PDE11A: variants seen among roughly 807,000 people sequenced by gnomAD.
The protein encoded by PDE11A is phosphodiesterase 11A.
A neutral mutation model predicts 100.5 loss-of-function variants in PDE11A; 100 were observed. The observed-to-expected ratio is 1.00, with a 90% confidence interval of 0.85 to 1.18. The LOEUF is 1.18. Ranked by LOEUF, PDE11A falls within the 50% of genes most tolerant of loss-of-function variation. PDE11A has a pLI of 0.00. For synonymous variants in PDE11A, 381 were observed against 420.8 expected (o/e 0.91, Z 1.16); for missense variants, 1,141 against 1,152.6 (o/e 0.99, Z 0.15).
chr2:177,814,429 T>C (rs890247261), intron 9 of PDE11A, among the ~76,000 whole-genome samples: 1 of 152,124 alleles, frequency 6.6e-6, no homozygotes, highest in Non-Finnish European at 1.5e-5. Context: ...CATGGATTCC[T>C]AGGCCAGGGA....
intron 19 of PDE11A, among the ~76,000 whole-genome samples, chr2:177,663,273 C>T (rs1204936587): frequency 2.1e-5 from 3 of 143,742 alleles, no homozygotes; most frequent in Admixed American, 1.4e-4. Context: ...TAGCACATCT[C>T]GCTCAGAATT....
At chr2:177,834,643 G>A (rs1484008050) in intron 6 of PDE11A, among the ~76,000 whole-genome samples, 1 of 152,272 alleles carries the variant, frequency 6.6e-6, no homozygotes, top group South Asian at 2.1e-4. Context: ...CCCTGGCCAA[G>A]GGGTCCAGCT....
chr2:177,660,736 C>T (rs1376191380), intron 19 of PDE11A, among the ~76,000 whole-genome samples: 1 of 152,190 alleles, frequency 6.6e-6, no homozygotes, highest in Non-Finnish European at 1.5e-5. Context: ...GATAATCTTC[C>T]CCTTTGCTTG....
Position 177,681,361 on chromosome 2 carries a change from C to G in PDE11A, c.2346-458G>C, listed in dbSNP as rs2080860826. Among the ~76,000 whole-genome samples the G allele has an allele frequency of 2.0e-5, 3 of 152,232 alleles. No individual in the cohort carries two copies. The South Asian group carries it at 6.2e-4, about 32-fold the overall frequency. On this transcript the variant is annotated intron_variant, in intron 15 of 19. Transcript: ENST00000286063. The stretch of plus-strand genomic sequence containing the variant: ...AAATTCAAGATAAATATATTTTTTT[C>G]CAGGTTAGAAAATAACTATTTCACC...
intron 4 of PDE11A, among the ~76,000 whole-genome samples, chr2:177,896,827 AGT>A (rs373407953): frequency 2.6e-4 from 40 of 151,564 alleles, no homozygotes; most frequent in African/African-American, 9.7e-4. Flanking sequence ...GGCCTATTGG[AGT>A]GTGTGTGTGT....
rs529563898 is a variant in PDE11A at position 177,656,350 on chromosome 2, C to A, written c.2646+7516G>T. 7.9e-5 allele frequency among the ~76,000 whole-genome samples: 12 copies of A among 152,298 alleles called. No individual in the cohort carries two copies. The South Asian group carries it at 2.1e-3, about 26-fold the overall frequency. On this transcript the variant is annotated intron_variant, in intron 19 of 19. Transcript: ENST00000286063. ...GCTGTACAGGTTTGTAGCCTGGGAGCAATAGGCTATCCCATATAGCCTAGG... is the reference window on the plus strand; with the variant it reads ...GCTGTACAGGTTTGTAGCCTGGGAGAAATAGGCTATCCCATATAGCCTAGG...
At chr2:178,016,131 A>ATTTTTTTTTTTTTTTTTT (rs55638601) in intron 1 of PDE11A, among the ~76,000 whole-genome samples, 11 of 83,744 alleles carry the variant, frequency 1.3e-4, no homozygotes, top group Admixed American at 1.7e-4. Context: ...TGCCTGGCTA[A>ATTTTTTTTTTTTTTTTTT]TTTTTTTTTT....
At chr2:177,827,546 T>C (rs1574185004) in intron 6 of PDE11A, among the ~76,000 whole-genome samples, 1 of 152,324 alleles carries the variant, frequency 6.6e-6, no homozygotes, top group East Asian at 1.9e-4. Context: ...GAAAATTCTC[T>C]CCATAACTAC....
chr2:177,850,459 C>T (rs1283529711), intron 5 of PDE11A, among the ~76,000 whole-genome samples: 1 of 152,154 alleles, frequency 6.6e-6, no homozygotes, highest in African/African-American at 2.4e-5. Context: ...CAATACCATT[C>T]AGGACAGAGG....
rs2086989419 is a variant in PDE11A, at chr2:178,062,808, T to C, written c.912+8718A>G. Among the ~76,000 whole-genome samples the C allele has an allele frequency of 2.6e-5, 4 of 152,224 alleles. No individual in the cohort carries two copies. The South Asian group carries it at 8.3e-4, about 32-fold the overall frequency. ...TACATGCAACATAAATGCAAAAATG[T>C]AATGCTAGTATTAAAAGTATCATCA... On this transcript the variant is annotated intron_variant, in intron 1 of 19. Transcript: ENST00000286063.
At chr2:177,697,159 AC>A (rs2081124733) in intron 15 of PDE11A, among the ~76,000 whole-genome samples, 172 bp downstream of exon 15, 1 of 152,196 alleles carries the variant, frequency 6.6e-6, no homozygotes, top group Non-Finnish European at 1.5e-5. Flanking sequence ...TGGCTTATAC[AC>A]ACCACTTTAA....
At chr2:177,989,030 G>C (rs1001296292) in intron 2 of PDE11A, among the ~76,000 whole-genome samples, 3 of 152,168 alleles carry the variant, frequency 2.0e-5, no homozygotes, top group African/African-American at 7.2e-5. Flanking sequence ...TGGCAAAATA[G>C]GCTTGCCTGC....
At position 177,624,648 on chromosome 2, in the gene PDE11A, A is replaced by G. The variant is rs2079806600; in HGVS notation, c.*4759T>C. On this transcript the variant is annotated 3_prime_UTR_variant, in exon 20 of 20. Coordinates refer to ENST00000286063, the MANE Select transcript of PDE11A (RefSeq NM_016953.4). ...ACCTGGAAATGCATAGACATCTCAG[A>G]TTTTAGAAACAAAATGCATGTGCAA... The G allele has an allele frequency of 6.6e-6, 1 of 152,264 alleles. No individual in the cohort carries two copies. Among genetic ancestry groups the G allele is most frequent in the African/African-American group, 2.4e-5 (1 of 41,476 alleles). 9.4% of individuals were successfully genotyped at this position (152,264 alleles called of 1,614,324 possible).
At chr2:177,637,579 C>G (rs2080059975) in intron 19 of PDE11A, among the ~76,000 whole-genome samples, 2 of 151,522 alleles carry the variant, frequency 1.3e-5, no homozygotes, top group Non-Finnish European at 2.9e-5. Flanking sequence ...TTTAAAAGTG[C>G]TGGTTTTCAG....
chr2:177,740,344 T>G (rs2081854403), intron 10 of PDE11A, among the ~76,000 whole-genome samples: 1 of 152,236 alleles, frequency 6.6e-6, no homozygotes, highest in Non-Finnish European at 1.5e-5. Context: ...TTAGACAGGT[T>G]GGCTAGTTTT....
intron 17 of PDE11A, among the ~76,000 whole-genome samples, chr2:177,673,068 T>G (rs3770010): frequency 1.3e-5 from 2 of 152,048 alleles, no homozygotes; most frequent in Non-Finnish European, 2.9e-5. Context: ...ATTTGCCACA[T>G]TTCTTTATTC....
rs532464285 is a variant in PDE11A, at chr2:177,786,050, G to A, written c.1738-16677C>T. ...AAGAGAGCAGTGGTTCTCCCAGCAC[G>A]CAGCTGGAGATCTGAGAACGGGCAG... On this transcript the variant is annotated intron_variant, in intron 9 of 19. Transcript: ENST00000286063. Among the ~76,000 whole-genome samples, 16 of 152,290 alleles carry A rather than the reference G, an allele frequency of 1.1e-4. No individual in the cohort carries two copies. In the South Asian group the frequency reaches 1.9e-3, roughly 18 times the overall value.
At chr2:178,032,280 A>T (rs1383977242) in intron 1 of PDE11A, among the ~76,000 whole-genome samples, 2 of 152,196 alleles carry the variant, frequency 1.3e-5, no homozygotes, top group Admixed American at 6.5e-5. Context: ...GAATAAGAAC[A>T]AAAATGCAAA....
intron 2 of PDE11A, among the ~76,000 whole-genome samples, chr2:178,003,113 G>T (rs1194336465): frequency 6.6e-6 from 1 of 152,104 alleles, no homozygotes; most frequent in Non-Finnish European, 1.5e-5. Context: ...TCAAAATAGT[G>T]CAGCTGTTTT....
Sources: allele counts gnomAD v4.1 joint callset (sites outside exome capture counted in the v4.1 genomes callset), GRCh38; gene constraint gnomAD v4.1.1; transcripts MANE v1.5; gene names NCBI Gene and HGNC (gene_info 2026-07-23, HGNC 2026-07-21).